The following TMCO1 variants were observed in gnomAD, a reference collection of about 807,000 sequenced individuals.
TMCO1 encodes the protein calcium load-activated calcium channel.
In TMCO1, 29 loss-of-function variants were observed where a neutral mutation model predicts 29.3. The observed-to-expected ratio is 0.99, with a 90% confidence interval of 0.74 to 1.35. The LOEUF is 1.35. Among genes scored for constraint, TMCO1 ranks in the 40% most tolerant of loss-of-function variants. The probability of loss-of-function intolerance (pLI) is 0.00; values close to 1 mark genes in which losing one functional copy is unlikely to be tolerated. For synonymous variants in TMCO1, 80 were observed against 77.1 expected (o/e 1.04, Z -0.20); for missense variants, 173 against 225.5 (o/e 0.77, Z 1.49).
intron 4 of TMCO1, 105 bp downstream of exon 4, chr1:165,754,123 A>T: frequency 1.1e-6 from 1 of 908,888 alleles, no homozygotes; most frequent in Non-Finnish European, 1.8e-6. Context: ...TAGCCTTCAC[A>T]GGTGATAAAT....
At chr1:165,764,470 T>G (rs1571233329) in intron 2 of TMCO1, among the ~76,000 whole-genome samples, 2 of 152,168 alleles carry the variant, frequency 1.3e-5, no homozygotes, top group South Asian at 4.1e-4. Flanking sequence ...GATAGGAAGA[T>G]TTGGCCCTGT....
chr1:165,741,562 A>T (rs1490560902), intron 6 of TMCO1, among the ~76,000 whole-genome samples: 3 of 152,232 alleles, frequency 2.0e-5, no homozygotes, highest in African/African-American at 7.2e-5. Flanking sequence ...AGAATGGGCA[A>T]AGTGCTGTAT....
chr1:165,758,295 G>A (rs1396868779), intron 3 of TMCO1, among the ~76,000 whole-genome samples: 2 of 152,110 alleles, frequency 1.3e-5, no homozygotes, highest in East Asian at 3.9e-4. Context: ...AGTGGCTCAT[G>A]TCTACAAGCC....
chr1:165,751,102 T>C (rs576399593), intron 5 of TMCO1, among the ~76,000 whole-genome samples: 11 of 152,248 alleles, frequency 7.2e-5, no homozygotes, highest in African/African-American at 2.6e-4. Flanking sequence ...TAAATTACTA[T>C]CATCGTTGGA....
At chr1:165,740,226 G>C (rs1015723321) in intron 6 of TMCO1, among the ~76,000 whole-genome samples, 3 of 151,898 alleles carry the variant, frequency 2.0e-5, no homozygotes, top group Non-Finnish European at 2.9e-5. Context: ...TTTTGAGACA[G>C]AGTCTTGCTC....
chr1:165,768,715 A>G lies in TMCO1; in HGVS notation c.37T>C (p.Phe13Leu). Residue 13 changes from phenylalanine (F) to leucine (L), a missense_variant, in exon 1 of 7, where the codon TTT becomes CTT. By Grantham distance (22) the Phe-to-Leu change is conservative. Transcript: ENST00000367881. ...TMFADTLLIVFISVCTALLAE... is the reference protein window; with the variant it reads ...TMFADTLLIVLISVCTALLAE... ...AGCAGAGCCGTGCACACAGAGATAAAAACGATGAGGAGAGTGTCCGCGAAC... is the reference window on the plus strand; with the variant it reads ...AGCAGAGCCGTGCACACAGAGATAAGAACGATGAGGAGAGTGTCCGCGAAC... 1.9e-6 allele frequency: 3 copies of G among 1,614,104 alleles called. No homozygotes were observed. Among genetic ancestry groups the G allele is most frequent in the Middle Eastern group, 1.6e-4 (1 of 6,062 alleles).
chr1:165,760,725 C>T (rs372152981), intron 2 of TMCO1, among the ~76,000 whole-genome samples: 4 of 151,948 alleles, frequency 2.6e-5, no homozygotes, highest in Admixed American at 1.3e-4. Flanking sequence ...CGCTTGAACC[C>T]GGAAGGCAGA....
At chr1:165,744,790 CAAAAAAAA>C (rs558392976) in intron 5 of TMCO1, among the ~76,000 whole-genome samples, 2 of 103,988 alleles carry the variant, frequency 1.9e-5, no homozygotes, top group African/African-American at 3.9e-5. Flanking sequence ...AACTCCATCT[CAAAAAAAA>C]AAAAAAAAAA....
intron 1 of TMCO1, 39 bp downstream of exon 1, chr1:165,768,643 C>T (rs773622482): frequency 1.9e-6 from 3 of 1,613,794 alleles, no homozygotes; most frequent in Admixed American, 3.3e-5. Context: ...CCCTTCCTCC[C>T]GGGGACTGAT....
At chr1:165,751,174 A>G (rs1651980590) in intron 5 of TMCO1, among the ~76,000 whole-genome samples, 2 of 152,238 alleles carry the variant, frequency 1.3e-5, no homozygotes, top group African/African-American at 4.8e-5. Flanking sequence ...TTTAGACAAC[A>G]GTAATTTACC....
intron 5 of TMCO1, among the ~76,000 whole-genome samples, chr1:165,744,787 T>G (rs1651728251): frequency 2.1e-5 from 1 of 47,490 alleles, no homozygotes; most frequent in Non-Finnish European, 4.3e-5. Context: ...CAAAACTCCA[T>G]CTCAAAAAAA....
At chr1:165,735,425 T>C (rs1230208126) in intron 6 of TMCO1, among the ~76,000 whole-genome samples, 1 of 151,140 alleles carries the variant, frequency 6.6e-6, no homozygotes. Flanking sequence ...CTACTGGAAA[T>C]AGAGAAAGAA....
At chr1:165,731,354 G>A (rs1488569779) in intron 6 of TMCO1, among the ~76,000 whole-genome samples, 1 of 152,144 alleles carries the variant, frequency 6.6e-6, no homozygotes, top group Non-Finnish European at 1.5e-5. Flanking sequence ...CACTAAGCTA[G>A]GCATTAAGGG....
intron 5 of TMCO1, among the ~76,000 whole-genome samples, chr1:165,746,116 C>T (rs1651786615): frequency 6.6e-6 from 1 of 151,950 alleles, no homozygotes; most frequent in South Asian, 2.1e-4. Flanking sequence ...CCCCTCTGTA[C>T]TAACAATACA....
At chr1:165,759,483 TAAG>T in intron 3 of TMCO1, 39 bp downstream of exon 3, 1 of 1,462,516 alleles carries the variant, frequency 6.8e-7, no homozygotes, top group Non-Finnish European at 9.5e-7. Context: ...TTAATTTTTT[TAAG>T]AAAACCCAAA....
At chr1:165,758,328 G>A (rs549703938) in intron 3 of TMCO1, among the ~76,000 whole-genome samples, 10 of 152,062 alleles carry the variant, frequency 6.6e-5, no homozygotes, top group Non-Finnish European at 1.3e-4. Context: ...AGGTTGAGGC[G>A]GCGGATCACC....
In TMCO1 at chr1:165,729,117, A is replaced by C. The variant is rs964668768; in HGVS notation, c.469-996T>G. Among the ~76,000 whole-genome samples, 17 of 151,316 alleles carry C rather than the reference A, an allele frequency of 1.1e-4. No homozygotes were observed. In the East Asian group the frequency reaches 1.7e-3, roughly 15 times the overall value. On this transcript the variant is annotated intron_variant, in intron 6 of 6. Coordinates refer to ENST00000367881, the MANE Select transcript of TMCO1 (RefSeq NM_019026.6). ...GAGATTCTGTCTAAAAAAAAAAAAA[A>C]AAAAAAAAAACCAGTTTCAATTTCT... is the stretch of plus-strand genomic sequence containing the variant.
At chr1:165,746,458 C>CACACACAT (rs1553250060) in intron 5 of TMCO1, among the ~76,000 whole-genome samples, 1 of 143,198 alleles carries the variant, frequency 7.0e-6, no homozygotes, top group African/African-American at 2.6e-5. Flanking sequence ...CTATATCACA[C>CACACACAT]ACACACACAC....
At chr1:165,768,920 C>G (rs1571237356), upstream of TMCO1, 1 of 1,540,948 alleles carries the variant, frequency 6.5e-7, no homozygotes, top group East Asian at 2.4e-5. Flanking sequence ...CGGAAAGGCT[C>G]GTATCGGAGA....
Sources: allele counts gnomAD v4.1 joint callset (sites outside exome capture counted in the v4.1 genomes callset), GRCh38; gene constraint gnomAD v4.1.1; transcripts MANE v1.5; gene names NCBI Gene and HGNC (gene_info 2026-07-23, HGNC 2026-07-21).